The following OSBPL9 variants were observed in gnomAD, a reference collection of about 807,000 sequenced individuals.
OSBPL9 encodes the protein oxysterol-binding protein-related protein 9.
In OSBPL9, 40 loss-of-function variants were observed where a neutral mutation model predicts 106.6. That is an observed-to-expected ratio of 0.38 (90% CI 0.29 to 0.49). The LOEUF is 0.49. OSBPL9 is among the 20% of genes least tolerant of loss of function. The probability of loss-of-function intolerance (pLI) is 0.97; values close to 1 mark genes in which losing one functional copy is unlikely to be tolerated. For synonymous variants in OSBPL9, 269 were observed against 295.4 expected (o/e 0.91, Z 0.92); for missense variants, 609 against 887.2 (o/e 0.69, Z 3.98).
intron 22 of OSBPL9, 71 bp from the exon 23 acceptor site, chr1:51,787,282 T>C: frequency 3.4e-6 from 5 of 1,465,968 alleles, no homozygotes; most frequent in Non-Finnish European, 3.8e-6. Flanking sequence ...TGACTTGTAT[T>C]ATACTATATT....
chr1:51,767,820 A>G (rs558762531), intron 12 of OSBPL9, among the ~76,000 whole-genome samples: 3 of 152,024 alleles, frequency 2.0e-5, no homozygotes, highest in Non-Finnish European at 4.4e-5. Flanking sequence ...AAAAGTTTTT[A>G]TAATAATGGG....
intron 1 of OSBPL9, among the ~76,000 whole-genome samples, chr1:51,639,710 G>T (rs1645655038): frequency 6.6e-6 from 1 of 150,544 alleles, no homozygotes; most frequent in Non-Finnish European, 1.5e-5. Flanking sequence ...AAGTCAGTGA[G>T]TTTATTGCTT....
At chr1:51,712,219 C>G (rs1291532267) in intron 3 of OSBPL9, among the ~76,000 whole-genome samples, 6 of 152,184 alleles carry the variant, frequency 3.9e-5, no homozygotes, top group African/African-American at 7.2e-5. Flanking sequence ...GAGACCGGCC[C>G]GGCCAACACA....
chr1:51,768,082 C>G (rs1571661314), intron 12 of OSBPL9, among the ~76,000 whole-genome samples: 1 of 151,530 alleles, frequency 6.6e-6, no homozygotes, highest in South Asian at 2.1e-4. Context: ...GCTGGGACTA[C>G]AGGCGCCCGC....
upstream of OSBPL9, among the ~76,000 whole-genome samples, chr1:51,615,625 A>G (rs1644034523): frequency 1.3e-5 from 2 of 152,166 alleles, no homozygotes. Context: ...TAATAATTTT[A>G]AAAAAGGACA....
intron 3 of OSBPL9, among the ~76,000 whole-genome samples, chr1:51,687,007 G>T (rs1246685087): frequency 1.3e-5 from 2 of 152,294 alleles, no homozygotes; most frequent in East Asian, 3.9e-4. Flanking sequence ...TGAGATTAGA[G>T]AAATGCATAT....
chr1:51,636,557 T>TG (rs1318486695), intron 1 of OSBPL9, among the ~76,000 whole-genome samples: 1 of 152,050 alleles, frequency 6.6e-6, no homozygotes, highest in Non-Finnish European at 1.5e-5. Flanking sequence ...AGGTTGGTCT[T>TG]GAACTTGTGA....
the OSBPL9 span, among the ~76,000 whole-genome samples, chr1:51,534,528 T>A: frequency 6.6e-6 from 1 of 152,116 alleles, no homozygotes; most frequent in African/African-American, 2.4e-5. Context: ...GAGGAGTGGG[T>A]TGGATAGGAT....
intron 11 of OSBPL9, among the ~76,000 whole-genome samples, chr1:51,764,447 T>TA (rs1672146879): frequency 6.6e-6 from 1 of 152,220 alleles, no homozygotes; most frequent in Non-Finnish European, 1.5e-5. Context: ...TTTTAGGGGT[T>TA]AAACTTTTTG....
intron 2 of OSBPL9, among the ~76,000 whole-genome samples, chr1:51,608,870 T>A (rs963527999): frequency 2.6e-5 from 4 of 151,914 alleles, no homozygotes; most frequent in Non-Finnish European, 4.4e-5. Flanking sequence ...AAAAAAAAAA[T>A]CCCTCAACCA....
chr1:51,671,467 A>G (rs1649854236), intron 3 of OSBPL9, among the ~76,000 whole-genome samples: 1 of 152,206 alleles, frequency 6.6e-6, no homozygotes, highest in Non-Finnish European at 1.5e-5. Context: ...ACTGTCAACT[A>G]TTAAAGGGAA....
upstream of OSBPL9, among the ~76,000 whole-genome samples, chr1:51,575,128 A>T (rs1645175504): frequency 1.3e-5 from 2 of 152,246 alleles, no homozygotes; most frequent in South Asian, 2.1e-4. Context: ...TTCAGGGTAA[A>T]CTTTATTTGA....
At chr1:51,597,079 C>T (rs1214231713) in intron 1 of OSBPL9, among the ~76,000 whole-genome samples, 2 of 152,096 alleles carry the variant, frequency 1.3e-5, no homozygotes, top group African/African-American at 4.8e-5. Context: ...GAAGAGGCAA[C>T]AAGTGCAAAG....
intron 2 of OSBPL9, among the ~76,000 whole-genome samples, chr1:51,603,319 A>G (rs965505387): frequency 1.3e-5 from 2 of 152,272 alleles, no homozygotes; most frequent in East Asian, 1.9e-4. Flanking sequence ...ACAAAACAGT[A>G]TCAGGAATAA....
chr1:51,737,641 G>A (rs552788821), intron 4 of OSBPL9, among the ~76,000 whole-genome samples: 1 of 151,696 alleles, frequency 6.6e-6, no homozygotes, highest in South Asian at 2.1e-4. Flanking sequence ...ACTGCAACTT[G>A]AGTATTATTC....
At chr1:51,671,807 GA>G (rs1649941965) in intron 3 of OSBPL9, among the ~76,000 whole-genome samples, 1 of 152,138 alleles carries the variant, frequency 6.6e-6, no homozygotes, top group Non-Finnish European at 1.5e-5. Flanking sequence ...GTGAAGAGCT[GA>G]AGAAAGTCAG....
At chr1:51,570,451 G>A in the OSBPL9 span, among the ~76,000 whole-genome samples, 1 of 152,158 alleles carries the variant, frequency 6.6e-6, no homozygotes, top group South Asian at 2.1e-4. Context: ...TCCTCCTCCA[G>A]AGAGTATCAG....
chr1:51,576,551 A>G (rs1645185225), upstream of OSBPL9, among the ~76,000 whole-genome samples: 1 of 152,076 alleles, frequency 6.6e-6, no homozygotes, highest in African/African-American at 2.4e-5. Flanking sequence ...GTTTTGGGAC[A>G]GGGTCTTGCT....
intron 7 of OSBPL9, among the ~76,000 whole-genome samples, chr1:51,749,140 T>C (rs1371837095): frequency 6.6e-6 from 1 of 152,090 alleles, no homozygotes; most frequent in African/African-American, 2.4e-5. Flanking sequence ...CTGGCTTCTT[T>C]CTTATTAAAA....
Sources: allele counts gnomAD v4.1 joint callset (sites outside exome capture counted in the v4.1 genomes callset), GRCh38; gene constraint gnomAD v4.1.1; transcripts MANE v1.5; gene names NCBI Gene and HGNC (gene_info 2026-07-23, HGNC 2026-07-21).